Variants in WDR90 observed in about 807,000 individuals in gnomAD.
The protein encoded by WDR90 is WD repeat domain 90, also known as WD repeat-containing protein 90.
WDR90 carries 238 observed loss-of-function variants against 195.2 expected under a neutral mutation model. The ratio of observed to expected loss-of-function variants is 1.22; its 90% confidence interval spans 1.10 to 1.36. The LOEUF (loss-of-function observed/expected upper bound fraction) is 1.36, where lower values mean the gene tolerates loss of function less well. Among genes scored for constraint, WDR90 ranks in the 40% most tolerant of loss-of-function variants. WDR90 has a pLI of 0.00. For synonymous variants in WDR90, 1,265 were observed against 1,052.4 expected (o/e 1.20, Z -3.91); for missense variants, 2,734 against 2,439.5 (o/e 1.12, Z -2.54).
chr16:653,464 CGGGCCTG>C lies in WDR90; in HGVS notation c.1233+18_1233+24del. On this transcript the variant is annotated intron_variant, in intron 11 of 40. Coordinates refer to ENST00000293879, the MANE Select transcript of WDR90 (RefSeq NM_145294.5). Reference sequence around the variant, plus strand: ...CCACACAGACAAGGTGGGTGCTGCCCGGGCCTGGGGCAGCTCACACCTGCAGCCCCTA... The same window carrying C: ...CCACACAGACAAGGTGGGTGCTGCCCGGGCAGCTCACACCTGCAGCCCCTA... The C allele has an allele frequency of 6.2e-7, 1 of 1,612,450 alleles. No individual in the cohort carries two copies. The highest frequency in any genetic ancestry group is 8.5e-7 in the Non-Finnish European group (1 of 1,179,578).
At chr16:667,025 G>A in intron 40 of WDR90, 36 bp downstream of exon 40, 1 of 1,559,168 alleles carries the variant, frequency 6.4e-7, no homozygotes, top group Non-Finnish European at 8.7e-7. Context: ...GCCTGTCTTA[G>A]GTGGGGGCCA....
rs1256191577 is a variant in WDR90 at position 660,961 on chromosome 16, G to GCCCCC, written c.3392-86_3392-85insCCCCC. 11 of 332,452 alleles carry GCCCCC rather than the reference G, an allele frequency of 3.3e-5. 1 individual carries two copies. The highest frequency in any genetic ancestry group is 3.0e-4 in the African/African-American group (1 of 3,346). The allele number at this position is 332,452 out of a possible 1,614,324, so 20.6% of individuals were successfully genotyped here. ...GGCCCCGCCCCACGGCTCGGCCCAGGCCCCGCCCCCTGTTCGGCCCCTCCC... is the reference window on the plus strand; with the variant it reads ...GGCCCCGCCCCACGGCTCGGCCCAGGCCCCCCCCCGCCCCCTGTTCGGCCCCTCCC... On this transcript the variant is annotated intron_variant, in intron 28 of 40. Coordinates refer to ENST00000293879, the MANE Select transcript of WDR90 (RefSeq NM_145294.5).
chr16:667,619 C>CACG lies in WDR90; in HGVS notation c.*31_*33dup. ...CAGCAGGGACTGTGGTGGTGGGCAT[C>CACG]ACGCCTGGTCATGCCAGGCACCTGG... On this transcript the variant is annotated 3_prime_UTR_variant, in exon 41 of 41. Transcript: ENST00000293879. 2 of 1,601,264 alleles carry CACG rather than the reference C, an allele frequency of 1.2e-6. No individual in the cohort carries two copies. The highest frequency in any genetic ancestry group is 4.5e-5 in the East Asian group (2 of 44,866).
rs377241040 is a variant in WDR90 at position 666,975 on chromosome 16, C to T, written c.5075C>T (p.Ala1692Val). Reference protein sequence around the residue: ...LSLSPGTHLLAVGFAECMLRL... With the variant: ...LSLSPGTHLLVVGFAECMLRL... Reference sequence around the variant, plus strand: ...CTGTCCCCCGGGACCCACCTCCTGGCTGTTGGCTTTGCTGGTGAGTGCTGG... The same window carrying T: ...CTGTCCCCCGGGACCCACCTCCTGGTTGTTGGCTTTGCTGGTGAGTGCTGG... The change falls in exon 40 of 41, where the codon GCT (alanine) becomes GTT (valine). Residue 1692 changes from alanine to valine, a missense_variant. Ala to Val is a moderately conservative substitution (Grantham distance 64). Transcript: ENST00000293879. The T allele has an allele frequency of 1.2e-6, 2 of 1,606,008 alleles. No homozygotes were observed. The highest frequency in any genetic ancestry group is 1.7e-6 in the Non-Finnish European group (2 of 1,176,216).
Position 666,288 on chromosome 16 carries a change from T to C in WDR90, c.4678T>C (p.Phe1560Leu). The C allele has an allele frequency of 6.2e-7, 1 of 1,612,706 alleles. No individual in the cohort carries two copies. Among genetic ancestry groups the C allele is most frequent in the African/African-American group, 1.3e-5 (1 of 75,042 alleles). Residue 1560 changes from phenylalanine (F) to leucine (L), a missense_variant, in exon 37 of 41, where the codon TTC becomes CTC. Phe to Leu is a conservative substitution (Grantham distance 22). Transcript: ENST00000293879. ...GAGCCACCCCTGCACAGGGACAACCTTCCGTGTGCTGAGTGACCACCAGGG... is the reference window on the plus strand; with the variant it reads ...GAGCCACCCCTGCACAGGGACAACCCTCCGTGTGCTGAGTGACCACCAGGG... ...AVSHPCTGTT[F>L]RVLSDHQGAP... is the part of the protein sequence containing the mutation.
upstream of WDR90, chr16:649,282 G>A (rs2037588363): frequency 7.1e-6 from 8 of 1,121,930 alleles, no homozygotes; most frequent in Middle Eastern, 2.3e-4. Context: ...GAGGTCACGT[G>A]GCCAGGGCGC....
intron 30 of WDR90, 43 bp downstream of exon 30, chr16:661,544 C>A (rs952257001): frequency 2.0e-5 from 31 of 1,532,844 alleles, no homozygotes; most frequent in Non-Finnish European, 2.7e-5. Context: ...TCCCTAGACC[C>A]CGGGGGGGGC....
intron 23 of WDR90, 44 bp downstream of exon 23, chr16:658,697 C>G: frequency 6.3e-7 from 1 of 1,591,922 alleles, no homozygotes; most frequent in Admixed American, 1.7e-5. Context: ...TCAGGAGCCT[C>G]CTCAGGTGGC....
In WDR90 at chr16:667,488, CACG is replaced by C. The variant is rs779251617; in HGVS notation, c.5149_5151del (p.Asp1717del). 2.5e-6 allele frequency: 4 copies of C among 1,610,858 alleles called. No individual in the cohort carries two copies. Among genetic ancestry groups the C allele is most frequent in the Non-Finnish European group, 2.5e-6 (3 of 1,178,436 alleles). On this transcript the variant is annotated inframe_deletion, in exon 41 of 41. Transcript: ENST00000293879. ...GGGGACTGCCCAAGACTTTGCCGGC[CACG>C]ACAACGCAGTGCACCTGTGCAGGTT... is the stretch of plus-strand genomic sequence containing the variant.
At chr16:651,289 G>T in intron 7 of WDR90, 23 bp downstream of exon 7, 2 of 1,612,226 alleles carry the variant, frequency 1.2e-6, no homozygotes, top group Non-Finnish European at 1.7e-6. Context: ...GGTCAGCGGG[G>T]ACCCAGGTTA....
intron 34 of WDR90, among the ~76,000 whole-genome samples, chr16:664,710 T>A (rs2151374859): frequency 6.8e-6 from 1 of 147,942 alleles, no homozygotes; most frequent in East Asian, 2.0e-4. Flanking sequence ...TGAGACGGAG[T>A]TTCTTGTCGC....
chr16:661,305 C>T lies in WDR90; in HGVS notation c.3514-37C>T, dbSNP rs200600242. Reference sequence around the variant, plus strand: ...CCCCAGCCTCCACTCCAGCCAGCCACGGCCTCCCCACTCACGCCTGGCCTC... The same window carrying T: ...CCCCAGCCTCCACTCCAGCCAGCCATGGCCTCCCCACTCACGCCTGGCCTC... On this transcript the variant is annotated intron_variant, in intron 29 of 40. Coordinates refer to ENST00000293879, the MANE Select transcript of WDR90 (RefSeq NM_145294.5). 4,550 of 1,556,958 alleles carry T rather than the reference C, an allele frequency of 2.9e-3. 17 individuals are homozygous for T. The highest frequency in any genetic ancestry group is 3.7e-3 in the Non-Finnish European group (4,207 of 1,151,998).
chr16:658,507 A>C lies in WDR90; in HGVS notation c.2767-18A>C. The C allele has an allele frequency of 6.3e-7, 1 of 1,599,492 alleles. No individual in the cohort carries two copies. The highest frequency in any genetic ancestry group is 1.7e-5 in the Admixed American group (1 of 59,624). The stretch of plus-strand genomic sequence containing the variant: ...ACTCTCCTGAGACACGGCATTTCCC[A>C]AGAGCACTGTGTTCCAGCTGCCCGG... On this transcript the variant is annotated intron_variant, in intron 22 of 40. Transcript: ENST00000293879.
rs534161565 is a variant in WDR90, at chr16:665,059, C to T, written c.4312-620C>T. The T allele has an allele frequency of 4.3e-4, 69 of 162,124 alleles. No homozygotes were observed. In the South Asian group the frequency reaches 0.011, roughly 26 times the overall value. 10.0% of individuals were successfully genotyped at this position (162,124 alleles called of 1,614,324 possible). On this transcript the variant is annotated intron_variant, in intron 34 of 40. Coordinates refer to ENST00000293879, the MANE Select transcript of WDR90 (RefSeq NM_145294.5). ...CATTTGGTGCCAGGCTGTATTGCTT[C>T]TTCTCACTGGTGAGTGGCAGCTGTG...
At chr16:654,781 C>T (rs938533739) in intron 13 of WDR90, 13 of 533,638 alleles carry the variant, frequency 2.4e-5, no homozygotes, top group Admixed American at 3.2e-5. Context: ...TTCCGGCTTG[C>T]GGGGGGGTTT....
At chr16:657,417 G>A (rs2037784031) in intron 20 of WDR90, 196 bp downstream of exon 20, 1 of 960,636 alleles carries the variant, frequency 1.0e-6, no homozygotes, top group Admixed American at 3.0e-5. Flanking sequence ...CCCAAGGCCA[G>A]AGGTCAGCTC....
In WDR90 at chr16:661,429, C is replaced by T. The variant is rs199527716; in HGVS notation, c.3601C>T (p.Leu1201Phe). Residue 1201 changes from leucine to phenylalanine, a missense_variant, in exon 30 of 41, where the codon CTC (leucine) becomes TTC (phenylalanine). Leu to Phe is a conservative substitution (Grantham distance 22). Coordinates refer to ENST00000293879, the MANE Select transcript of WDR90 (RefSeq NM_145294.5). ...WDVSGGLCQH[L>F]IFPHSTTVLA... The stretch of plus-strand genomic sequence containing the variant: ...CGTGTCTGGCGGCCTCTGCCAGCAT[C>T]TCATTTTCCCCCATAGCACCACCGT... 3.6e-3 allele frequency: 5,842 copies of T among 1,612,520 alleles called. 16 individuals carry two copies. Among genetic ancestry groups the T allele is most frequent in the Non-Finnish European group, 4.3e-3 (5,126 of 1,179,898 alleles).
At chr16:658,811 T>C in intron 23 of WDR90, 85 bp from the exon 24 acceptor site, 1 of 1,578,404 alleles carries the variant, frequency 6.3e-7, no homozygotes, top group Non-Finnish European at 8.6e-7. Context: ...TCACACTGTG[T>C]GGGGCTCACC....
chr16:654,709 C>T (rs2037710959), intron 13 of WDR90: 1 of 366,050 alleles, frequency 2.7e-6, no homozygotes, highest in Admixed American at 4.2e-5. Flanking sequence ...CTCAGCCTCC[C>T]AAAGTGCTGG....
Sources: allele counts gnomAD v4.1 joint callset (sites outside exome capture counted in the v4.1 genomes callset), GRCh38; gene constraint gnomAD v4.1.1; transcripts MANE v1.5; gene names NCBI Gene and HGNC (gene_info 2026-07-23, HGNC 2026-07-21).